The following PDE1C variants were observed in gnomAD, a reference collection of about 807,000 sequenced individuals.
The protein encoded by PDE1C is phosphodiesterase 1C, also known as dual specificity calcium/calmodulin-dependent 3',5'-cyclic nucleotide phosphodiesterase 1C.
In PDE1C, 62 loss-of-function variants were observed where a neutral mutation model predicts 93.1. The ratio of observed to expected loss-of-function variants is 0.67; its 90% confidence interval spans 0.54 to 0.82. The LOEUF (loss-of-function observed/expected upper bound fraction) is 0.82. Ranked by LOEUF, PDE1C falls within the 40% of genes least tolerant of loss-of-function variation. The pLI, the probability that PDE1C is intolerant of heterozygous loss-of-function variation, is 0.00. For missense variants in PDE1C, 742 were observed against 884.6 expected (o/e 0.84, Z 2.04); for synonymous variants, 325 against 310.1 (o/e 1.05, Z -0.50).
chr7:31,884,579 C>T (rs1394086472), intron 2 of PDE1C, among the ~76,000 whole-genome samples: 1 of 152,220 alleles, frequency 6.6e-6, no homozygotes, highest in Non-Finnish European at 1.5e-5. Flanking sequence ...GTAGCTGCCA[C>T]ACAAAGCCTA....
intron 2 of PDE1C, among the ~76,000 whole-genome samples, chr7:31,934,023 C>T (rs1024236301): frequency 5.3e-5 from 8 of 152,118 alleles, no homozygotes; most frequent in Non-Finnish European, 7.4e-5. Flanking sequence ...TTTGAACATG[C>T]GCTATTCCAC....
At chr7:31,986,973 G>C (rs1783498132) in intron 2 of PDE1C, among the ~76,000 whole-genome samples, 1 of 151,352 alleles carries the variant, frequency 6.6e-6, no homozygotes, top group East Asian at 1.9e-4. Flanking sequence ...CACAAAACTA[G>C]GAAGAAACGC....
chr7:32,237,888 AG>A (rs1398740908), intron 1 of PDE1C, among the ~76,000 whole-genome samples: 6 of 149,924 alleles, frequency 4.0e-5, no homozygotes, highest in Non-Finnish European at 7.4e-5. Context: ...CTCCTGCCTC[AG>A]CCTCCTGAGT....
intron 8 of PDE1C, among the ~76,000 whole-genome samples, chr7:31,849,117 T>C (rs1793002117): frequency 6.6e-6 from 1 of 152,188 alleles, no homozygotes; most frequent in African/African-American, 2.4e-5. Flanking sequence ...AACATTCAAA[T>C]CCCGAGGTGA....
chr7:32,209,543 GAA>G (rs112791453), intron 1 of PDE1C: 7 of 1,368,796 alleles, frequency 5.1e-6, no homozygotes, highest in South Asian at 4.3e-5. Context: ...TTTGCAACTA[GAA>G]AAAAAAAAGA....
chr7:31,826,948 A>G (rs1289931704), intron 12 of PDE1C, among the ~76,000 whole-genome samples: 1 of 152,180 alleles, frequency 6.6e-6, no homozygotes, highest in Non-Finnish European at 1.5e-5. Flanking sequence ...ATGTAAATGA[A>G]TGCACTTAGC....
chr7:32,414,315 T>C (rs1047217132), intron 1 of PDE1C, among the ~76,000 whole-genome samples: 4 of 151,926 alleles, frequency 2.6e-5, no homozygotes, highest in African/African-American at 7.3e-5. Flanking sequence ...TGTATAACTA[T>C]ATTTATATCA....
At chr7:31,884,059 T>C (rs73690315) in intron 2 of PDE1C, among the ~76,000 whole-genome samples, 1,887 of 152,306 alleles carry the variant, frequency 0.012, 37 homozygotes, top group African/African-American at 0.042. Flanking sequence ...GAAATTTATA[T>C]GTAACCCTGT....
chr7:31,756,414 C>T (rs1170107599), intron 17 of PDE1C, among the ~76,000 whole-genome samples: 1 of 152,128 alleles, frequency 6.6e-6, no homozygotes, highest in Non-Finnish European at 1.5e-5. Flanking sequence ...AGGTATTCCT[C>T]AAAGCTGTCA....
At chr7:31,824,518 T>C (rs947667569) in intron 13 of PDE1C, among the ~76,000 whole-genome samples, 1 of 152,128 alleles carries the variant, frequency 6.6e-6, no homozygotes, top group Non-Finnish European at 1.5e-5. Context: ...TCAGTTTCAT[T>C]TCTTTGTAAG....
At chr7:31,643,983 G>A in the PDE1C span, 2 of 1,567,868 alleles carry the variant, frequency 1.3e-6, no homozygotes, top group Non-Finnish European at 1.7e-6. Context: ...AAGATGGAAA[G>A]GCAGATGCAC....
chr7:32,419,420 C>T (rs531337760), intron 1 of PDE1C, among the ~76,000 whole-genome samples: 8 of 152,202 alleles, frequency 5.3e-5, no homozygotes, highest in African/African-American at 1.2e-4. Flanking sequence ...CCTCCCTACC[C>T]GGAGAGTCTC....
rs187877969 is a variant in PDE1C, at chr7:31,929,699, G to A, written c.129-48839C>T. ...CCTGAATAACTACTGAGTAAATAAC[G>A]AAATTAAGGCAGAAATAAATAAGTT... On this transcript the variant is annotated intron_variant, in intron 2 of 17. Transcript: ENST00000396191. Among the ~76,000 whole-genome samples the A allele has an allele frequency of 2.4e-3, 364 of 152,192 alleles. 3 individuals are homozygous for A. The highest frequency in any genetic ancestry group is 5.2e-3 in the Admixed American group (79 of 15,290).
At chr7:31,618,942 G>C in the PDE1C span, among the ~76,000 whole-genome samples, 1 of 152,226 alleles carries the variant, frequency 6.6e-6, no homozygotes. Context: ...TGTGTCGAGA[G>C]AGTAGGTGAC....
At chr7:32,012,058 G>T (rs1021433718) in intron 2 of PDE1C, among the ~76,000 whole-genome samples, 1 of 152,164 alleles carries the variant, frequency 6.6e-6, no homozygotes, top group Non-Finnish European at 1.5e-5. Context: ...GTCAAACTAA[G>T]TGAAAGAAGT....
intron 2 of PDE1C, among the ~76,000 whole-genome samples, chr7:31,893,866 C>G (rs1798943669): frequency 6.6e-6 from 1 of 152,080 alleles, no homozygotes; most frequent in Admixed American, 6.6e-5. Flanking sequence ...GAGTTTGTCC[C>G]TCAAGAACAG....
intron 16 of PDE1C, among the ~76,000 whole-genome samples, chr7:31,796,102 T>TAC (rs1192401660): frequency 1.3e-5 from 2 of 150,614 alleles, no homozygotes; most frequent in East Asian, 2.0e-4. Flanking sequence ...TATATCTATA[T>TAC]ACACACACAT....
At chr7:31,617,899 G>T in the PDE1C span, among the ~76,000 whole-genome samples, 1 of 152,176 alleles carries the variant, frequency 6.6e-6, no homozygotes, top group Admixed American at 6.5e-5. Flanking sequence ...ACAAATCACT[G>T]CAGGAAAAGA....
the PDE1C span, among the ~76,000 whole-genome samples, chr7:31,687,590 A>G: frequency 3.3e-5 from 5 of 152,240 alleles, no homozygotes; most frequent in Admixed American, 2.0e-4. Context: ...AGAGAGGTTT[A>G]TCTTCCAAGG....
Sources: allele counts gnomAD v4.1 joint callset (sites outside exome capture counted in the v4.1 genomes callset), GRCh38; gene constraint gnomAD v4.1.1; transcripts MANE v1.5; gene names NCBI Gene and HGNC (gene_info 2026-07-23, HGNC 2026-07-21).